SLC38A9: variants seen among roughly 807,000 people sequenced by gnomAD.
The protein encoded by SLC38A9 is neutral amino acid transporter 9.
A neutral mutation model predicts 62.3 loss-of-function variants in SLC38A9; 48 were observed. The observed-to-expected ratio is 0.77, with a 90% CI of 0.61 to 0.98. The LOEUF (loss-of-function observed/expected upper bound fraction) is 0.98. Ranked by LOEUF, SLC38A9 falls within the 50% of genes least tolerant of loss-of-function variation. The probability of loss-of-function intolerance (pLI) is 0.00; values close to 1 mark genes in which losing one functional copy is unlikely to be tolerated. For missense variants in SLC38A9, 541 were observed against 679.8 expected (o/e 0.80, Z 2.27); for synonymous variants, 204 against 227.7 (o/e 0.90, Z 0.94).
At chr5:55,692,659 A>G (rs996072683) in intron 3 of SLC38A9, 2 of 985,216 alleles carry the variant, frequency 2.0e-6, no homozygotes, top group Admixed American at 1.2e-4. Context: ...TATAGAAAAT[A>G]TATTGCCATT....
intron 2 of SLC38A9, among the ~76,000 whole-genome samples, chr5:55,707,186 T>C (rs1048644335): frequency 5.9e-5 from 9 of 152,128 alleles, no homozygotes; most frequent in African/African-American, 2.2e-4. Context: ...CCACCATGCC[T>C]AGTCTTAAAG....
At chr5:55,668,205 G>A (rs1165147623) in intron 7 of SLC38A9, among the ~76,000 whole-genome samples, 3 of 152,018 alleles carry the variant, frequency 2.0e-5, no homozygotes, top group African/African-American at 7.2e-5. Flanking sequence ...AACAGTTATA[G>A]AGAGAACTCT....
intron 12 of SLC38A9, among the ~76,000 whole-genome samples, chr5:55,639,264 A>G (rs1366568919): frequency 7.0e-6 from 1 of 143,444 alleles, no homozygotes; most frequent in Non-Finnish European, 1.5e-5. Flanking sequence ...CAAGAACGAA[A>G]CTCTGTCTAA....
rs529183011 is a variant in SLC38A9 at position 55,669,637 on chromosome 5, A to G, written c.369-17T>C. On this transcript the variant is annotated splice_polypyrimidine_tract_variant and intron_variant, in intron 5 of 15. Transcript: ENST00000396865. ...ATCATAAAACTGAAAACACAGAGTAATAGCAGTAAAAAAATGGAGTTTCAC... is the reference window on the plus strand; with the variant it reads ...ATCATAAAACTGAAAACACAGAGTAGTAGCAGTAAAAAAATGGAGTTTCAC... 15 of 1,602,464 alleles carry G rather than the reference A, an allele frequency of 9.4e-6. No individual in the cohort carries two copies. In the African/African-American group the frequency reaches 1.9e-4, roughly 20 times the overall value.
chr5:55,668,255 A>G (rs993399369), intron 7 of SLC38A9, among the ~76,000 whole-genome samples: 1 of 152,250 alleles, frequency 6.6e-6, no homozygotes, highest in African/African-American at 2.4e-5. Flanking sequence ...ATGCTGAATT[A>G]GATAAGACAT....
chr5:55,652,484 G>A (rs1212366787), intron 10 of SLC38A9, 45 bp downstream of exon 10: 8 of 1,251,520 alleles, frequency 6.4e-6, no homozygotes, highest in South Asian at 1.9e-5. Context: ...ACTCCACCAC[G>A]TATTCTATTA....
intron 2 of SLC38A9, among the ~76,000 whole-genome samples, chr5:55,706,062 T>C (rs926643199): frequency 2.6e-4 from 39 of 152,156 alleles, no homozygotes; most frequent in Non-Finnish European, 4.4e-5. Flanking sequence ...ATTTCATGCC[T>C]GGGTATCCGG....
intron 3 of SLC38A9, among the ~76,000 whole-genome samples, chr5:55,689,148 G>A (rs1754380070): frequency 6.6e-6 from 1 of 152,132 alleles, no homozygotes; most frequent in African/African-American, 2.4e-5. Flanking sequence ...TACTGAAGTA[G>A]AAAAAATAAG....
chr5:55,687,672 C>T (rs115906279), intron 3 of SLC38A9, among the ~76,000 whole-genome samples: 59 of 151,976 alleles, frequency 3.9e-4, no homozygotes, highest in African/African-American at 1.4e-3. Context: ...TAGCTGTATT[C>T]CTAGTATTTT....
intron 3 of SLC38A9, chr5:55,692,727 G>A: frequency 1.0e-6 from 1 of 985,190 alleles, no homozygotes; most frequent in Non-Finnish European, 1.2e-6. Flanking sequence ...CCAACTTACT[G>A]TAATGGAATG....
At chr5:55,649,142 A>T in intron 11 of SLC38A9, 65 bp downstream of exon 11, 1 of 808,402 alleles carries the variant, frequency 1.2e-6, no homozygotes, top group Non-Finnish European at 1.8e-6. Flanking sequence ...TACTTGTTTT[A>T]GAATAGCATA....
At chr5:55,650,467 G>T (rs1044169335) in intron 10 of SLC38A9, among the ~76,000 whole-genome samples, 1 of 152,224 alleles carries the variant, frequency 6.6e-6, no homozygotes, top group Non-Finnish European at 1.5e-5. Flanking sequence ...TCTGGTGATT[G>T]TTGTGCCCAA....
At chr5:55,701,616 T>C (rs1344895431) in intron 2 of SLC38A9, among the ~76,000 whole-genome samples, 1 of 152,230 alleles carries the variant, frequency 6.6e-6, no homozygotes, top group Non-Finnish European at 1.5e-5. Flanking sequence ...ATGTCAAGAA[T>C]TGTAGAAAAG....
chr5:55,708,703 T>C (rs1757613634), intron 2 of SLC38A9, among the ~76,000 whole-genome samples: 1 of 152,230 alleles, frequency 6.6e-6, no homozygotes, highest in African/African-American at 2.4e-5. Context: ...ACTACATTTA[T>C]ACTCAGTGTC....
Position 55,656,728 on chromosome 5 carries a change from AT to A in SLC38A9, c.743del (p.Asn248IlefsTer6). On this transcript the variant is annotated frameshift_variant, in exon 9 of 16. Transcript: ENST00000396865. LOFTEE classifies it high-confidence loss of function. ...CAAACTACTTACCAGGGTTGCTATT[AT>A]TGGTACTCAGTATAGTGTCTGTGTC... ...INDTDTILSTNNSNPVICPSA... is the reference protein window; with the variant it reads ...INDTDTILSTXNSNPVICPSA... 1.3e-6 allele frequency: 2 copies of A among 1,597,930 alleles called. No individual in the cohort carries two copies. Among genetic ancestry groups the A allele is most frequent in the Non-Finnish European group, 1.7e-6 (2 of 1,166,592 alleles).
chr5:55,632,392 C>T (rs183658059), intron 14 of SLC38A9, among the ~76,000 whole-genome samples: 30 of 152,204 alleles, frequency 2.0e-4, no homozygotes, highest in African/African-American at 6.0e-4. Flanking sequence ...GAGCCGAGAT[C>T]GCGCCACTGC....
intron 3 of SLC38A9, among the ~76,000 whole-genome samples, chr5:55,677,253 A>G (rs1306230311): frequency 6.6e-6 from 1 of 152,252 alleles, no homozygotes; most frequent in African/African-American, 2.4e-5. Flanking sequence ...ATTATAAAGT[A>G]TCAAATAAAA....
rs998426509 is a variant in SLC38A9, at chr5:55,649,267, C to G, written c.1000G>C (p.Val334Leu). ...AATTCCAAATGAAATCCCAAGCGAA[C>G]AGCCTTAAAGGTGACAAGGAAAATC... ...YLIFLVTFKA[V>L]RLGFHLEFHW... is the part of the protein sequence containing the mutation. The change falls in exon 11 of 16, where the codon GTT becomes CTT. Residue 334 changes from valine to leucine, a missense_variant. By Grantham distance (32) the Val-to-Leu change is conservative. Transcript: ENST00000396865. 1 of 1,609,110 alleles carries G rather than the reference C, an allele frequency of 6.2e-7. No homozygotes were observed.
intron 3 of SLC38A9, among the ~76,000 whole-genome samples, chr5:55,676,673 A>G (rs554248609): frequency 6.6e-6 from 1 of 152,326 alleles, no homozygotes; most frequent in South Asian, 2.1e-4. Context: ...TTTTTCTTCT[A>G]CAAGAAACAA....
Sources: gnomAD v4.1 joint callset for allele counts (sites outside exome capture counted in the v4.1 genomes callset) on GRCh38, gnomAD v4.1.1 for gene constraint, MANE v1.5 for transcripts, NCBI Gene and HGNC (gene_info 2026-07-23, HGNC 2026-07-21) for gene names.